Variants in GALNT13 observed in about 807,000 individuals in gnomAD.
GALNT13 encodes UDP-GalNAc:polypeptide N-acetylgalactosaminyltransferase 13.
A neutral mutation model predicts 64.2 loss-of-function variants in GALNT13; 28 were observed. The observed-to-expected ratio is 0.44, with a 90% confidence interval of 0.32 to 0.60. The LOEUF (loss-of-function observed/expected upper bound fraction) is 0.60, where lower values mean the gene tolerates loss of function less well. Ranked by LOEUF, GALNT13 falls within the 20% of genes least tolerant of loss-of-function variation. GALNT13 has a pLI of 0.05. For missense variants in GALNT13, 577 were observed against 669.8 expected, an observed-to-expected ratio of 0.86 and a Z score of 1.53; for synonymous variants, 214 against 224.6, an observed-to-expected ratio of 0.95 and a Z score of 0.42.
chr2:153,442,567 A>G, the GALNT13 span, among the ~76,000 whole-genome samples: 2 of 152,150 alleles, frequency 1.3e-5, no homozygotes, highest in Non-Finnish European at 2.9e-5. Flanking sequence ...CTGTGAATCT[A>G]TCTGGTCCTG....
chr2:154,304,320 A>G (rs1028966958), intron 9 of GALNT13, among the ~76,000 whole-genome samples: 1 of 152,204 alleles, frequency 6.6e-6, no homozygotes, highest in Admixed American at 6.5e-5. Flanking sequence ...AGAGCATGTA[A>G]TATTCAAAGC....
At chr2:153,500,092 A>C in the GALNT13 span, among the ~76,000 whole-genome samples, 1 of 152,144 alleles carries the variant, frequency 6.6e-6, no homozygotes, top group South Asian at 2.1e-4. Flanking sequence ...CCTCATGTGA[A>C]GAGGTACATC....
At chr2:154,257,678 G>C (rs1057039721) in intron 7 of GALNT13, 84 of 152,160 alleles carry the variant, frequency 5.5e-4, no homozygotes, top group African/African-American at 2.0e-3. Flanking sequence ...AATTACCTGA[G>C]CATAAAACAG....
At chr2:153,758,788 T>A in the GALNT13 span, among the ~76,000 whole-genome samples, 1 of 152,088 alleles carries the variant, frequency 6.6e-6, no homozygotes, top group Admixed American at 6.6e-5. Context: ...AGTCAGGGTT[T>A]AATATGTTGG....
the GALNT13 span, among the ~76,000 whole-genome samples, chr2:153,792,656 A>G: frequency 1.3e-5 from 2 of 152,212 alleles, no homozygotes; most frequent in Admixed American, 6.5e-5. Flanking sequence ...TACATAATAA[A>G]TACTTGTATG....
In GALNT13 at chr2:153,944,560, T is replaced by A; in HGVS notation, c.63T>A (p.Asp21Glu). ...LATSLMWVLV[D>E]VFLLLYFSEC... is the part of the protein sequence containing the mutation. ...CTTCGCTGATGTGGGTTCTTGTTGA[T>A]GTCTTCTTACTGCTGTACTTCAGTG... The change falls in exon 3 of 13, where the codon GAT becomes GAA. Residue 21 changes from aspartate (D) to glutamate (E), a missense_variant. Physicochemically the swap from Asp to Glu is conservative, Grantham distance 45. Transcript: ENST00000392825. 2 of 1,613,694 alleles carry A rather than the reference T, an allele frequency of 1.2e-6. No homozygotes were observed. The highest frequency in any genetic ancestry group is 1.7e-6 in the Non-Finnish European group (2 of 1,179,676).
chr2:153,440,033 A>C, the GALNT13 span, among the ~76,000 whole-genome samples: 1 of 152,088 alleles, frequency 6.6e-6, no homozygotes, highest in African/African-American at 2.4e-5. Context: ...TACACTTGCC[A>C]TGGTGGTTTG....
At chr2:154,025,237 A>T (rs1165917578) in intron 3 of GALNT13, among the ~76,000 whole-genome samples, 1 of 152,100 alleles carries the variant, frequency 6.6e-6, no homozygotes, top group African/African-American at 2.4e-5. Context: ...GAAATGCAGA[A>T]ATCACCCGTC....
the GALNT13 span, among the ~76,000 whole-genome samples, chr2:153,565,845 T>C: frequency 6.6e-6 from 1 of 152,160 alleles, no homozygotes; most frequent in South Asian, 2.1e-4. Flanking sequence ...AATTCTTTCA[T>C]GTCTTATAAT....
At chr2:154,223,286 A>T (rs931255501) in intron 4 of GALNT13, among the ~76,000 whole-genome samples, 2 of 152,128 alleles carry the variant, frequency 1.3e-5, no homozygotes, top group South Asian at 4.1e-4. Context: ...CATGTTTCAT[A>T]CAGCTAAATG....
intron 4 of GALNT13, among the ~76,000 whole-genome samples, chr2:154,240,023 G>A (rs1430950488): frequency 6.6e-6 from 1 of 151,910 alleles, no homozygotes; most frequent in East Asian, 1.9e-4. Context: ...TTTATATTAT[G>A]GTACTAATTA....
At chr2:154,092,367 C>A (rs1290169126) in intron 3 of GALNT13, among the ~76,000 whole-genome samples, 1 of 151,982 alleles carries the variant, frequency 6.6e-6, no homozygotes, top group East Asian at 1.9e-4. Flanking sequence ...ATTTTGTATG[C>A]ATTAAATGGC....
intron 4 of GALNT13, among the ~76,000 whole-genome samples, chr2:154,231,246 TA>T (rs1688898825): frequency 6.6e-6 from 1 of 152,116 alleles, no homozygotes; most frequent in Admixed American, 6.6e-5. Context: ...CATACCTCCT[TA>T]AAAGAAATTC....
At chr2:153,743,920 G>A in the GALNT13 span, among the ~76,000 whole-genome samples, 2 of 151,888 alleles carry the variant, frequency 1.3e-5, no homozygotes, top group African/African-American at 4.8e-5. Flanking sequence ...GTGAGAATAG[G>A]CCTGTTCGTC....
At chr2:154,290,735 G>GAGTGTTACAGTTCTTAA (rs1452885703) in intron 8 of GALNT13, among the ~76,000 whole-genome samples, 1 of 152,164 alleles carries the variant, frequency 6.6e-6, no homozygotes, top group Admixed American at 6.5e-5. Context: ...CCCTTGCAGT[G>GAGTGTTACAGTTCTTAA]AGTGTTACAG....
At chr2:153,876,202 TACACACAC>T (rs56256669) in intron 1 of GALNT13, among the ~76,000 whole-genome samples, 42 of 148,620 alleles carry the variant, frequency 2.8e-4, no homozygotes, top group Non-Finnish European at 4.5e-4. Flanking sequence ...CCCCCCACAC[TACACACAC>T]ACACACACAC....
chr2:153,958,866 C>T (rs887422777), intron 3 of GALNT13, among the ~76,000 whole-genome samples: 1 of 152,052 alleles, frequency 6.6e-6, no homozygotes, highest in African/African-American at 2.4e-5. Flanking sequence ...CCTCAGAGGC[C>T]CTGAATTGCA....
chr2:153,104,849 T>C, the GALNT13 span, among the ~76,000 whole-genome samples: 2 of 152,150 alleles, frequency 1.3e-5, no homozygotes, highest in East Asian at 3.9e-4. Context: ...TATTTTGTAA[T>C]CATTTTACCA....
the GALNT13 span, among the ~76,000 whole-genome samples, chr2:153,262,860 A>C: frequency 6.6e-6 from 1 of 152,152 alleles, no homozygotes; most frequent in Non-Finnish European, 1.5e-5. Context: ...AATGGGAAAA[A>C]GGTGGAAGCA....
Sources: gnomAD v4.1 joint callset for allele counts (sites outside exome capture counted in the v4.1 genomes callset) on GRCh38, gnomAD v4.1.1 for gene constraint, MANE v1.5 for transcripts, NCBI Gene and HGNC (gene_info 2026-07-23, HGNC 2026-07-21) for gene names.